ARNT: variants seen among roughly 807,000 people sequenced by gnomAD.
The protein encoded by ARNT is class E basic helix-loop-helix protein 2.
ARNT carries 30 observed loss-of-function variants against 105.0 expected under a neutral mutation model. The observed-to-expected ratio is 0.29, with a 90% CI of 0.21 to 0.39. The LOEUF is 0.39. Ranked by LOEUF, ARNT falls within the 10% of genes least tolerant of loss-of-function variation. The pLI is 1.00. For synonymous variants in ARNT, 304 were observed against 344.0 expected (o/e 0.88, Z 1.29); for missense variants, 748 against 978.7 (o/e 0.76, Z 3.15).
chr1:150,858,919 G>C (rs1170612917), intron 1 of ARNT, among the ~76,000 whole-genome samples: 2 of 151,206 alleles, frequency 1.3e-5, no homozygotes, highest in African/African-American at 2.4e-5. Flanking sequence ...CACCACACAC[G>C]GTCTCTTCTT....
chr1:150,853,383 A>G (rs1664000530), intron 2 of ARNT: 1 of 231,018 alleles, frequency 4.3e-6, no homozygotes, highest in Admixed American at 5.6e-5. Flanking sequence ...GTTTTCAATC[A>G]GACTACAACC....
Position 150,858,426 on chromosome 1 carries a change from G to A in ARNT, c.60C>T (p.Ala20=). 1.2e-6 allele frequency: 2 copies of A among 1,609,622 alleles called. No individual in the cohort carries two copies. The highest frequency in any genetic ancestry group is 1.7e-6 in the Non-Finnish European group (2 of 1,177,766). The part of the protein sequence containing the change: ...MTSDVPSLGP[A]IASGNSGPGI... Reference sequence around the variant, plus strand: ...CAGGTCCAGAGTTTCCAGAGGCAATGGCTGGACCCAGTGATGGTACATCTG... The same window carrying A: ...CAGGTCCAGAGTTTCCAGAGGCAATAGCTGGACCCAGTGATGGTACATCTG... Residue 20 remains alanine, a synonymous_variant, in exon 2 of 22, where the codon GCC becomes GCT. Coordinates refer to ENST00000358595, the MANE Select transcript of ARNT (RefSeq NM_001668.4).
intron 6 of ARNT, among the ~76,000 whole-genome samples, chr1:150,836,965 CTGAGG>C (rs1265460453): frequency 1.3e-5 from 2 of 152,222 alleles, no homozygotes; most frequent in East Asian, 3.9e-4. Flanking sequence ...ACTCCGGAGG[CTGAGG>C]TGGGAGGATC....
At chr1:150,816,924 C>A in intron 17 of ARNT, 34 bp from the exon 18 acceptor site, 1 of 1,605,920 alleles carries the variant, frequency 6.2e-7, no homozygotes, top group South Asian at 1.1e-5. Flanking sequence ...AAGGGCCAGT[C>A]AAGGGGCTGT....
intron 12 of ARNT, 57 bp downstream of exon 12, chr1:150,829,036 C>T (rs1411050705): frequency 3.0e-5 from 48 of 1,591,694 alleles, no homozygotes; most frequent in African/African-American, 8.1e-5. Context: ...TACATGATTA[C>T]ATAATGTCAA....
At chr1:150,848,960 T>C (rs1662786748) in intron 3 of ARNT, among the ~76,000 whole-genome samples, 1 of 152,060 alleles carries the variant, frequency 6.6e-6, no homozygotes, top group African/African-American at 2.4e-5. Context: ...TCCCAGCACT[T>C]TGGGAGGCCG....
chr1:150,817,927 C>G lies in ARNT; in HGVS notation c.1498G>C (p.Ala500Pro), dbSNP rs1418171785. The change falls in exon 15 of 22, where the codon GCA (alanine) becomes CCA (proline). Residue 500 changes from alanine (A) to proline (P), a missense_variant. By Grantham distance (27) the Ala-to-Pro change is conservative. Transcript: ENST00000358595. ...TATTTCACCCTTTTTTACCTGGGTGCCAGCTGTCCTGAGCCCATCTCCAGG... is the reference window on the plus strand; with the variant it reads ...TATTTCACCCTTTTTTACCTGGGTGGCAGCTGTCCTGAGCCCATCTCCAGG... The part of the protein sequence containing the change: ...LPLEMGSGQL[A>P]PRQQQQQTEL... 5 of 1,610,886 alleles carry G rather than the reference C, an allele frequency of 3.1e-6. No individual in the cohort carries two copies. Among genetic ancestry groups the G allele is most frequent in the Admixed American group, 1.7e-5 (1 of 59,786 alleles).
At chr1:150,863,491 C>A (rs1467181162) in intron 1 of ARNT, among the ~76,000 whole-genome samples, 1 of 152,014 alleles carries the variant, frequency 6.6e-6, no homozygotes, top group African/African-American at 2.4e-5. Context: ...AGGCAACCAG[C>A]CCATGGGGAA....
intron 4 of ARNT, among the ~76,000 whole-genome samples, chr1:150,843,941 C>T (rs587703822): frequency 2.0e-5 from 3 of 152,346 alleles, no homozygotes; most frequent in Admixed American, 6.5e-5. Context: ...TCTACTACTA[C>T]TACTACTACA....
At chr1:150,834,130 G>A (rs929495589) in intron 8 of ARNT, among the ~76,000 whole-genome samples, 3 of 151,752 alleles carry the variant, frequency 2.0e-5, no homozygotes, top group Non-Finnish European at 2.9e-5. Flanking sequence ...TAGTAGAGAT[G>A]GGGTTTCACC....
intron 11 of ARNT, 46 bp downstream of exon 11, chr1:150,829,858 C>T (rs749084006): frequency 6.3e-7 from 1 of 1,580,428 alleles, no homozygotes; most frequent in Admixed American, 1.7e-5. Flanking sequence ...TCCTGAAGAT[C>T]TGCTCTAATT....
chr1:150,821,948 G>C (rs587692377), intron 14 of ARNT, among the ~76,000 whole-genome samples: 2 of 148,358 alleles, frequency 1.3e-5, no homozygotes, highest in South Asian at 2.1e-4. Context: ...GTATCCCAAA[G>C]TGATAAAGTG....
At chr1:150,829,542 T>C (rs776401333) in intron 11 of ARNT, 40 of 590,586 alleles carry the variant, frequency 6.8e-5, no homozygotes, top group African/African-American at 5.7e-4. Flanking sequence ...AAGAAACTTA[T>C]CTATACTTAT....
At chr1:150,875,089 T>C (rs942474542) in intron 1 of ARNT, among the ~76,000 whole-genome samples, 1 of 152,222 alleles carries the variant, frequency 6.6e-6, no homozygotes, top group African/African-American at 2.4e-5. Context: ...TATTTTGCAA[T>C]GTGTGATCAG....
intron 5 of ARNT, among the ~76,000 whole-genome samples, chr1:150,841,766 A>G (rs1232122283): frequency 6.6e-6 from 1 of 152,212 alleles, no homozygotes; most frequent in Non-Finnish European, 1.5e-5. Context: ...ATTTAGTTAC[A>G]CTTTGCCTAA....
rs587762011 is a variant in ARNT, at chr1:150,815,837, C to T, written c.1950+422G>A. Among the ~76,000 whole-genome samples the T allele has an allele frequency of 3.5e-5, 5 of 142,082 alleles. No homozygotes were observed. The East Asian group carries it at 1.0e-3, about 29-fold the overall frequency. The allele number at this position is 142,082 out of a possible 152,430, so 93.2% of individuals were successfully genotyped here. On this transcript the variant is annotated intron_variant, in intron 19 of 21. Coordinates refer to ENST00000358595, the MANE Select transcript of ARNT (RefSeq NM_001668.4). ...CAAGATCGCACCACTGCACTCTAGC[C>T]TGGGCGACAGAGCAAGACTCTGTCT...
At chr1:150,855,398 CAA>C (rs757044524) in intron 2 of ARNT, among the ~76,000 whole-genome samples, 4 of 132,454 alleles carry the variant, frequency 3.0e-5, no homozygotes, top group Non-Finnish European at 1.6e-5. Context: ...ACTAAAAATA[CAA>C]AAAAAAAAAA....
intron 3 of ARNT, among the ~76,000 whole-genome samples, chr1:150,849,433 T>A (rs964150775): frequency 1.3e-5 from 2 of 152,176 alleles, no homozygotes; most frequent in Non-Finnish European, 2.9e-5. Flanking sequence ...GACAAGCAAT[T>A]GGTCTTCAGC....
At chr1:150,838,955 T>C (rs1660795556) in intron 6 of ARNT, among the ~76,000 whole-genome samples, 2 of 152,200 alleles carry the variant, frequency 1.3e-5, no homozygotes, top group Non-Finnish European at 2.9e-5. Context: ...AGGCAGAAAA[T>C]GTTTACGCCT....
Sources: gnomAD v4.1 joint callset for allele counts (sites outside exome capture counted in the v4.1 genomes callset) on GRCh38, gnomAD v4.1.1 for gene constraint, MANE v1.5 for transcripts, NCBI Gene and HGNC (gene_info 2026-07-23, HGNC 2026-07-21) for gene names.